The following NLGN1 variants were observed in gnomAD, a reference collection of about 807,000 sequenced individuals.
NLGN1 encodes neuroligin 1, also known as neuroligin-1.
NLGN1 carries 12 observed loss-of-function variants against 65.5 expected under a neutral mutation model. That is an observed-to-expected ratio of 0.18 (90% CI 0.12 to 0.30). NLGN1 has a LOEUF of 0.30. NLGN1 is among the 10% of genes least tolerant of loss of function. NLGN1 has a pLI of 1.00. For synonymous variants in NLGN1, 350 were observed against 359.5 expected (o/e 0.97, Z 0.30); for missense variants, 750 against 1,007.1 (o/e 0.74, Z 3.46).
chr3:173,672,105 T>C (rs996598842), intron 3 of NLGN1, among the ~76,000 whole-genome samples: 3 of 152,076 alleles, frequency 2.0e-5, no homozygotes, highest in Non-Finnish European at 2.9e-5. Context: ...TCCCAGGAGA[T>C]AGAGCTTGCA....
At chr3:173,776,296 A>C (rs960749071) in intron 3 of NLGN1, among the ~76,000 whole-genome samples, 5 of 152,080 alleles carry the variant, frequency 3.3e-5, no homozygotes, top group African/African-American at 1.2e-4. Context: ...AGCTCTCTAA[A>C]AATATGAAAA....
chr3:173,695,193 GAGA>G (rs1405355397), intron 3 of NLGN1, among the ~76,000 whole-genome samples: 9 of 152,116 alleles, frequency 5.9e-5, no homozygotes, highest in Non-Finnish European at 1.2e-4. Flanking sequence ...AAGAGAAAAA[GAGA>G]AGAATAGCTA....
chr3:174,270,190 T>A (rs1749134284), intron 4 of NLGN1, among the ~76,000 whole-genome samples: 1 of 151,032 alleles, frequency 6.6e-6, no homozygotes, highest in Non-Finnish European at 1.5e-5. Context: ...GTTTATTTTT[T>A]TTTTTTTCCT....
intron 4 of NLGN1, among the ~76,000 whole-genome samples, chr3:174,270,305 T>G (rs1749162585): frequency 6.6e-6 from 1 of 151,676 alleles, no homozygotes; most frequent in Non-Finnish European, 1.5e-5. Context: ...TTTTTTCATT[T>G]TGAGTTAATT....
Position 174,242,717 on chromosome 3 carries a change from T to C in NLGN1, c.647-32598T>C, listed in dbSNP as rs140070110. On this transcript the variant is annotated intron_variant, in intron 4 of 6. Transcript: ENST00000457714. Reference sequence around the variant, plus strand: ...ACTGATTCTACATTATGGTGAATTATATAATTATTATGTATTACAATGTGG... The same window carrying C: ...ACTGATTCTACATTATGGTGAATTACATAATTATTATGTATTACAATGTGG... Among the ~76,000 whole-genome samples the C allele has an allele frequency of 3.0e-3, 458 of 152,270 alleles. 1 individual carries two copies. Among genetic ancestry groups the C allele is most frequent in the African/African-American group, 0.01 (433 of 41,558 alleles).
At chr3:174,218,618 T>C (rs1179415834) in intron 4 of NLGN1, among the ~76,000 whole-genome samples, 1 of 152,040 alleles carries the variant, frequency 6.6e-6, no homozygotes, top group African/African-American at 2.4e-5. Context: ...TCTTTGGGAC[T>C]CTCTTAGATG....
At chr3:174,255,435 C>CAAAAAAAAAAAAACAAAA (rs1745521420) in intron 4 of NLGN1, among the ~76,000 whole-genome samples, 1 of 70,220 alleles carries the variant, frequency 1.4e-5, no homozygotes, top group African/African-American at 7.7e-5. Flanking sequence ...GACTCTGTCT[C>CAAAAAAAAAAAAACAAAA]AAAAAAAAAA....
intron 4 of NLGN1, among the ~76,000 whole-genome samples, chr3:174,233,022 G>T (rs938907020): frequency 1.3e-5 from 2 of 152,148 alleles, no homozygotes; most frequent in Non-Finnish European, 2.9e-5. Flanking sequence ...CAAAACCAAA[G>T]AACAAGGTAG....
intron 4 of NLGN1, chr3:173,920,764 C>T (rs1741835176): frequency 6.6e-6 from 1 of 151,966 alleles, no homozygotes; most frequent in Admixed American, 6.6e-5. Flanking sequence ...GGTCTTTCAA[C>T]CTGTCAATCA....
At chr3:173,454,869 A>G (rs1263662728) in intron 2 of NLGN1, among the ~76,000 whole-genome samples, 1 of 152,164 alleles carries the variant, frequency 6.6e-6, no homozygotes, top group Admixed American at 6.5e-5. Context: ...CCAACTTTTG[A>G]TTGAAAATGA....
chr3:173,870,471 A>G (rs1234539962), intron 4 of NLGN1, among the ~76,000 whole-genome samples: 1 of 152,166 alleles, frequency 6.6e-6, no homozygotes, highest in Non-Finnish European at 1.5e-5. Context: ...TTAGATAACA[A>G]ATTTATCGCC....
intron 2 of NLGN1, among the ~76,000 whole-genome samples, chr3:173,494,886 C>A (rs1421760868): frequency 6.6e-6 from 1 of 151,594 alleles, no homozygotes; most frequent in African/African-American, 2.4e-5. Flanking sequence ...ATCTATTTGG[C>A]CAGTATCATA....
chr3:173,645,651 CACTT>C (rs1311919365), intron 3 of NLGN1, among the ~76,000 whole-genome samples: 1 of 152,158 alleles, frequency 6.6e-6, no homozygotes, highest in Non-Finnish European at 1.5e-5. Flanking sequence ...AGTTCTCAGT[CACTT>C]AGGCTCTAAC....
intron 1 of NLGN1, among the ~76,000 whole-genome samples, chr3:173,410,264 G>T (rs1712239678): frequency 6.6e-6 from 1 of 152,130 alleles, no homozygotes; most frequent in Non-Finnish European, 1.5e-5. Context: ...CTTTTGCCTG[G>T]CACATAAAAA....
intron 2 of NLGN1, among the ~76,000 whole-genome samples, chr3:173,586,916 G>A (rs1747547754): frequency 6.6e-6 from 1 of 152,178 alleles, no homozygotes; most frequent in Admixed American, 6.5e-5. Context: ...TATTTTCAAA[G>A]TTTAAACGGA....
At chr3:173,713,990 A>G (rs1769423332) in intron 3 of NLGN1, among the ~76,000 whole-genome samples, 1 of 152,168 alleles carries the variant, frequency 6.6e-6, no homozygotes, top group South Asian at 2.1e-4. Flanking sequence ...AAGAAAAAGG[A>G]GAAAGATGAA....
chr3:173,537,014 C>T (rs1299263779), intron 2 of NLGN1, among the ~76,000 whole-genome samples: 1 of 152,138 alleles, frequency 6.6e-6, no homozygotes, highest in Non-Finnish European at 1.5e-5. Flanking sequence ...GTGACTTCTC[C>T]CTTACTCAAC....
At chr3:173,501,124 T>G (rs1307779376) in intron 2 of NLGN1, among the ~76,000 whole-genome samples, 1 of 152,174 alleles carries the variant, frequency 6.6e-6, no homozygotes, top group East Asian at 1.9e-4. Context: ...TAGTTTATTT[T>G]AAGTTCCAGA....
chr3:173,550,582 A>G (rs1740663219), intron 2 of NLGN1, among the ~76,000 whole-genome samples: 1 of 152,124 alleles, frequency 6.6e-6, no homozygotes, highest in Non-Finnish European at 1.5e-5. Context: ...AAAAAATAGC[A>G]TTTGCTAAAT....
Sources: gnomAD v4.1 joint callset for allele counts (sites outside exome capture counted in the v4.1 genomes callset) on GRCh38, gnomAD v4.1.1 for gene constraint, MANE v1.5 for transcripts, NCBI Gene and HGNC (gene_info 2026-07-23, HGNC 2026-07-21) for gene names.